CD59: variants seen among roughly 807,000 people sequenced by gnomAD.
CD59 encodes the protein CD59 glycoprotein.
Under a neutral mutation model 7.0 loss-of-function variants are expected in CD59, and 3 were observed. The observed-to-expected ratio is 0.43, with a 90% CI of 0.19 to 1.10. The LOEUF (loss-of-function observed/expected upper bound fraction) is 1.10, where lower values mean the gene tolerates loss of function less well. CD59 is among the 50% of genes least tolerant of loss of function. CD59 has a pLI of 0.29. For synonymous variants in CD59, 60 were observed against 62.0 expected (o/e 0.97, Z 0.15); for missense variants, 143 against 151.0 (o/e 0.95, Z 0.28).
At chr11:33,725,761 T>A (rs1854238239) in intron 1 of CD59, among the ~76,000 whole-genome samples, 1 of 152,264 alleles carries the variant, frequency 6.6e-6, no homozygotes, top group South Asian at 2.1e-4. Context: ...ATGAGTATAC[T>A]ATGGTACACT....
At position 33,717,522 on chromosome 11, in the gene CD59, C is replaced by T. The variant is rs367933530; in HGVS notation, c.68-51G>A. On this transcript the variant is annotated intron_variant, in intron 2 of 3. Transcript: ENST00000642928. ...CTCTTAAAGCAGCACTGACTTGTCCCCTGGCAGCCCACCATCTCCATTAAT... is the reference window on the plus strand; with the variant it reads ...CTCTTAAAGCAGCACTGACTTGTCCTCTGGCAGCCCACCATCTCCATTAAT... 298 of 1,166,754 alleles carry T rather than the reference C, an allele frequency of 2.6e-4. 1 individual carries two copies. The highest frequency in any genetic ancestry group is 3.3e-5 in the Non-Finnish European group (26 of 780,884). The allele number at this position is 1,166,754 out of a possible 1,614,324, so 72.3% of individuals were successfully genotyped here.
chr11:33,729,681 T>G (rs1420303494), intron 1 of CD59, among the ~76,000 whole-genome samples: 2 of 150,276 alleles, frequency 1.3e-5, no homozygotes, highest in East Asian at 2.0e-4. Flanking sequence ...AAAAAGAACT[T>G]AAACCCCGTA....
At chr11:33,722,800 T>C (rs1178242356) in intron 1 of CD59, 2 of 985,050 alleles carry the variant, frequency 2.0e-6, no homozygotes, top group Non-Finnish European at 2.6e-6. Context: ...AGCTGCTGGC[T>C]GAAAGAGAGG....
chr11:33,705,868 G>C lies in CD59; in HGVS notation c.*4258C>G, dbSNP rs144210572. On this transcript the variant is annotated 3_prime_UTR_variant, in exon 4 of 4. Coordinates refer to ENST00000642928, the MANE Select transcript of CD59 (RefSeq NM_000611.6). ...CACCAACACCAGCATCAATATTTTAGGTTGCCTAATTAATGTATCTGTAAA... is the reference window on the plus strand; with the variant it reads ...CACCAACACCAGCATCAATATTTTACGTTGCCTAATTAATGTATCTGTAAA... 6.6e-6 allele frequency: 1 copy of C among 152,118 alleles called. No individual in the cohort carries two copies. The highest frequency in any genetic ancestry group is 2.4e-5 in the African/African-American group (1 of 41,388). 9.4% of individuals were successfully genotyped at this position (152,118 alleles called of 1,614,324 possible).
chr11:33,716,949 A>C (rs1433032667), intron 3 of CD59, among the ~76,000 whole-genome samples: 3 of 152,226 alleles, frequency 2.0e-5, no homozygotes, highest in African/African-American at 4.8e-5. Context: ...CCTTTGTCAT[A>C]ATTTTAATTG....
rs1853321779 is a variant in CD59, at chr11:33,706,613, A to G, written c.*3513T>C. ...AGCCAATTAGTGGAAGAGGGTTTGA[A>G]CCCAGGTTCCTAACTACAAAATCCA... On this transcript the variant is annotated 3_prime_UTR_variant, in exon 4 of 4. Coordinates refer to ENST00000642928, the MANE Select transcript of CD59 (RefSeq NM_000611.6). 1 of 152,050 alleles carries G rather than the reference A, an allele frequency of 6.6e-6. No homozygotes were observed. The highest frequency in any genetic ancestry group is 2.4e-5 in the African/African-American group (1 of 41,408). The allele number at this position is 152,050 out of a possible 1,614,324, so 9.4% of individuals were successfully genotyped here.
chr11:33,734,316 T>A (rs1302486812), intron 1 of CD59, among the ~76,000 whole-genome samples: 1 of 152,234 alleles, frequency 6.6e-6, no homozygotes, highest in Non-Finnish European at 1.5e-5. Context: ...ACTCTTTGTG[T>A]GATATACATA....
intron 1 of CD59, among the ~76,000 whole-genome samples, chr11:33,728,190 C>T (rs1854312461): frequency 6.6e-6 from 1 of 152,058 alleles, no homozygotes; most frequent in African/African-American, 2.4e-5. Context: ...CATATGGAAC[C>T]AAAAAAGAGC....
chr11:33,716,549 C>A (rs1258458715), intron 3 of CD59, among the ~76,000 whole-genome samples: 1 of 152,218 alleles, frequency 6.6e-6, no homozygotes, highest in Non-Finnish European at 1.5e-5. Context: ...CATTTGCACA[C>A]ATCGATTCTA....
intron 3 of CD59, among the ~76,000 whole-genome samples, chr11:33,713,622 T>C (rs998099873): frequency 3.3e-5 from 5 of 152,228 alleles, no homozygotes. Flanking sequence ...TACTGCTTTG[T>C]AACAGTAATT....
chr11:33,711,327 G>T, intron 3 of CD59: 1 of 683,062 alleles, frequency 1.5e-6, no homozygotes, highest in South Asian at 1.6e-5. Context: ...TCATATGTAA[G>T]AGCATAGTAT....
intron 2 of CD59, chr11:33,718,693 C>T (rs1042089932): frequency 6.6e-6 from 1 of 152,218 alleles, no homozygotes; most frequent in African/African-American, 2.4e-5. Flanking sequence ...CATCTTACAT[C>T]AGAAGCAAAT....
intron 3 of CD59, among the ~76,000 whole-genome samples, chr11:33,714,441 G>A (rs896135058): frequency 1.1e-4 from 17 of 152,200 alleles, no homozygotes; most frequent in Non-Finnish European, 2.9e-5. Context: ...TGGAGCTTGT[G>A]AGATTGGAAG....
rs1249475217 is a variant in CD59, at chr11:33,707,223, T to C, written c.*2903A>G. ...ATCTGTTGGCAGCAACAGAAACTAA[T>C]GCGAGCTAGTAGACTTTGAACACTG... On this transcript the variant is annotated 3_prime_UTR_variant, in exon 4 of 4. Transcript: ENST00000642928. 1 of 152,228 alleles carries C rather than the reference T, an allele frequency of 6.6e-6. No individual in the cohort carries two copies. The highest frequency in any genetic ancestry group is 1.5e-5 in the Non-Finnish European group (1 of 68,044). 9.4% of individuals were successfully genotyped at this position (152,228 alleles called of 1,614,324 possible).
At chr11:33,718,933 C>G (rs752515419) in intron 2 of CD59, 1 of 152,194 alleles carries the variant, frequency 6.6e-6, no homozygotes, top group Non-Finnish European at 1.5e-5. Context: ...TTTCCATCAT[C>G]AGAGATAAAC....
chr11:33,733,543 C>A (rs1245283083), intron 1 of CD59: 2 of 152,158 alleles, frequency 1.3e-5, no homozygotes, highest in Non-Finnish European at 2.9e-5. Flanking sequence ...TCGCTTGCAC[C>A]CAGGAGGTGG....
At chr11:33,722,571 A>AG (rs895735636) in intron 1 of CD59, 108 bp from the exon 2 acceptor site, 38 of 1,534,920 alleles carry the variant, frequency 2.5e-5, no homozygotes, top group Non-Finnish European at 3.3e-5. Flanking sequence ...GAACATTTAC[A>AG]GGGGGAGTCA....
intron 1 of CD59, among the ~76,000 whole-genome samples, chr11:33,731,695 G>A (rs564019701): frequency 5.1e-4 from 78 of 152,320 alleles, no homozygotes; most frequent in Middle Eastern, 3.4e-3. Context: ...AGGGTGACCT[G>A]GCATAAGGGC....
intron 2 of CD59, 95 bp downstream of exon 2, chr11:33,722,284 G>C (rs1215658252): frequency 3.3e-6 from 3 of 921,048 alleles, no homozygotes; most frequent in Non-Finnish European, 3.6e-6. Context: ...ACCAAAGCCA[G>C]GCCTGGAGGA....
Sources: gnomAD v4.1 joint callset for allele counts (sites outside exome capture counted in the v4.1 genomes callset) on GRCh38, gnomAD v4.1.1 for gene constraint, MANE v1.5 for transcripts, NCBI Gene and HGNC (gene_info 2026-07-23, HGNC 2026-07-21) for gene names.